The following FTSJ3 variants were observed in gnomAD, a reference collection of about 807,000 sequenced individuals.
FTSJ3 encodes FtsJ RNA 2'-O-methyltransferase 3, also known as pre-rRNA 2'-O-ribose RNA methyltransferase FTSJ3.
FTSJ3 carries 46 observed loss-of-function variants against 111.5 expected under a neutral mutation model. The observed-to-expected ratio is 0.41, with a 90% CI of 0.33 to 0.53. The LOEUF is 0.53. FTSJ3 is among the 20% of genes least tolerant of loss of function. The pLI, the probability that FTSJ3 is intolerant of heterozygous loss-of-function variation, is 0.19. For synonymous variants in FTSJ3, 408 were observed against 383.0 expected (o/e 1.07, Z -0.76); for missense variants, 1,075 against 1,063.8 (o/e 1.01, Z -0.15).
Position 63,819,675 on chromosome 17 carries a change from A to C in FTSJ3, c.*127T>G. 1.1e-6 allele frequency: 1 copy of C among 881,450 alleles called. No individual in the cohort carries two copies. The highest frequency in any genetic ancestry group is 1.7e-5 in the African/African-American group (1 of 59,914). 54.6% of individuals were successfully genotyped at this position (881,450 alleles called of 1,614,324 possible). ...CCACCACGGGAGTTCTAGGCACTCC[A>C]CCTCACTGTTCTTCAGACAGCTGTG... On this transcript the variant is annotated 3_prime_UTR_variant, in exon 21 of 21. Transcript: ENST00000427159.
chr17:63,823,103 AC>A (rs142517560), intron 13 of FTSJ3, among the ~76,000 whole-genome samples: 2,420 of 152,258 alleles, frequency 0.016, 64 homozygotes, highest in African/African-American at 0.054. Flanking sequence ...TTTGTTTGTG[AC>A]CCTGATTTTG....
chr17:63,826,896 T>C lies in FTSJ3; in HGVS notation c.7A>G (p.Lys3Glu). ...CGGCTCTTGCCAACTTTGCCCTTCT[T>C]GCCCATGGTGGAAAGGGGGAGTATC... MG[K>E]KGKVGKSRRD... The change falls in exon 2 of 21, where the codon AAG becomes GAG. Residue 3 changes from lysine (K) to glutamate (E), a missense_variant. Coordinates refer to ENST00000427159, the MANE Select transcript of FTSJ3 (RefSeq NM_017647.4). 1 of 1,613,940 alleles carries C rather than the reference T, an allele frequency of 6.2e-7. No homozygotes were observed. Among genetic ancestry groups the C allele is most frequent in the Non-Finnish European group, 8.5e-7 (1 of 1,179,880 alleles).
chr17:63,820,476 C>T (rs1205083366), intron 18 of FTSJ3, 38 bp from the exon 19 acceptor site: 2 of 1,600,788 alleles, frequency 1.2e-6, no homozygotes, highest in South Asian at 2.2e-5. Flanking sequence ...TCCAACATTC[C>T]AGGCTTTCTA....
At chr17:63,826,699 C>A in intron 2 of FTSJ3, 27 bp from the exon 3 acceptor site, 3 of 1,588,758 alleles carry the variant, frequency 1.9e-6, no homozygotes, top group Middle Eastern at 1.7e-4. Flanking sequence ...AGTGCGCAAA[C>A]TGCTTCACTA....
rs773370128 is a variant in FTSJ3, at chr17:63,821,823, T to C, written c.1496A>G (p.Gln499Arg). ...CTCCTCCTCCTCCTCTTTATCATCT[T>C]GCACTTCAGTAAGTCGCATACTGTA... ...DQKRMRLTEV[Q>R]DDKEEEEEEN... Residue 499 changes from glutamine (Q) to arginine (R), a missense_variant, in exon 15 of 21, where the codon CAA becomes CGA. Coordinates refer to ENST00000427159, the MANE Select transcript of FTSJ3 (RefSeq NM_017647.4). 6.2e-7 allele frequency: 1 copy of C among 1,614,122 alleles called. No individual in the cohort carries two copies. Among genetic ancestry groups the C allele is most frequent in the Non-Finnish European group, 8.5e-7 (1 of 1,180,034 alleles).
At chr17:63,823,201 C>T (rs2040066151) in intron 13 of FTSJ3, among the ~76,000 whole-genome samples, 1 of 152,210 alleles carries the variant, frequency 6.6e-6, no homozygotes, top group Admixed American at 6.5e-5. Flanking sequence ...AATGCTGCTC[C>T]CCTCTGAGGG....
chr17:63,825,874 C>T (rs1453557637), intron 5 of FTSJ3, 182 bp downstream of exon 5: 3 of 643,626 alleles, frequency 4.7e-6, no homozygotes, highest in Non-Finnish European at 8.1e-6. Context: ...TTCCAAACAC[C>T]TTTATCCCTG....
chr17:63,821,947 G>A (rs748681151), intron 14 of FTSJ3, 37 bp downstream of exon 14: 1 of 1,612,430 alleles, frequency 6.2e-7, no homozygotes, highest in Admixed American at 1.7e-5. Flanking sequence ...CTTCCTCAGA[G>A]TGGCAGCATT....
In FTSJ3 at chr17:63,821,524, CTG is replaced by C; in HGVS notation, c.1714_1715del (p.Gln572AspfsTer9). 8 of 1,614,126 alleles carry C rather than the reference CTG, an allele frequency of 5.0e-6. No homozygotes were observed. The highest frequency in any genetic ancestry group is 6.8e-6 in the Non-Finnish European group (8 of 1,180,040). On this transcript the variant is annotated frameshift_variant, in exon 16 of 21. Coordinates refer to ENST00000427159, the MANE Select transcript of FTSJ3 (RefSeq NM_017647.4). LOFTEE classifies it high-confidence loss of function. ...CAGTCTTCAAACAGGAAGGGGGTGT[CTG>C]TGGCAGCTGCTGCTTCTGCTGCTGC... ...RQQQQKQQLPQTPPSCLKTEI... is the reference protein window; with the variant it reads ...RQQQQKQQLPXTPPSCLKTEI...
chr17:63,821,169 G>A (rs1287092940), intron 16 of FTSJ3, 54 bp from the exon 17 acceptor site: 23 of 1,584,046 alleles, frequency 1.5e-5, no homozygotes, highest in Admixed American at 3.3e-5. Context: ...TACTCAGACC[G>A]CACTCCCACG....
At position 63,824,650 on chromosome 17, in the gene FTSJ3, G is replaced by T; in HGVS notation, c.904C>A (p.Arg302Ser). 6.2e-7 allele frequency: 1 copy of T among 1,613,714 alleles called. No homozygotes were observed. The highest frequency in any genetic ancestry group is 8.5e-7 in the Non-Finnish European group (1 of 1,179,660). The change falls in exon 10 of 21, where the codon CGC becomes AGC. Residue 302 changes from arginine (R) to serine (S), a missense_variant. By Grantham distance (110) the Arg-to-Ser change is moderately radical (BLOSUM62 -1). Coordinates refer to ENST00000427159, the MANE Select transcript of FTSJ3 (RefSeq NM_017647.4). ...CCCACTCCATACCTGAGCTCCTTGCGCCCCAACACTCTGATGTCCTGACAG... is the reference window on the plus strand; with the variant it reads ...CCCACTCCATACCTGAGCTCCTTGCTCCCCAACACTCTGATGTCCTGACAG... ...VCCQDIRVLG[R>S]KELRSLLNWR...
At position 63,826,186 on chromosome 17, in the gene FTSJ3, G is replaced by T. The variant is rs58278520; in HGVS notation, c.221-51C>A. The T allele has an allele frequency of 2.5e-6, 4 of 1,609,550 alleles. No individual in the cohort carries two copies. In the Admixed American group the frequency reaches 6.7e-5, roughly 27 times the overall value. On this transcript the variant is annotated intron_variant, in intron 4 of 20. Transcript: ENST00000427159. ...CTAAAAGGTTGCTTCAAGCAGGGAG[G>T]AGAGAAATACAGGACAAAATACCTT...
chr17:63,821,314 C>G, intron 16 of FTSJ3, 40 bp downstream of exon 16: 1 of 1,574,120 alleles, frequency 6.4e-7, no homozygotes, highest in South Asian at 1.2e-5. Context: ...TTCAAGCCAC[C>G]GCTTCCTTTC....
In FTSJ3 at chr17:63,824,367, T is replaced by C. The variant is rs773508514; in HGVS notation, c.962A>G (p.Lys321Arg). The C allele has an allele frequency of 1.2e-6, 2 of 1,614,130 alleles. No individual in the cohort carries two copies. Among genetic ancestry groups the C allele is most frequent in the African/African-American group, 2.7e-5 (2 of 74,934 alleles). ...TGCCTTTGCTTGTTCTTTCAGCTTC[T>C]TGGCCACATATCGCCGAAGTTTTGT... ...WRTKLRRYVA[K>R]KLKEQAKALD... is the part of the protein sequence containing the mutation. The change falls in exon 11 of 21, where the codon AAG (lysine) becomes AGG (arginine). Residue 321 changes from lysine to arginine, a missense_variant. Coordinates refer to ENST00000427159, the MANE Select transcript of FTSJ3 (RefSeq NM_017647.4).
Position 63,819,928 on chromosome 17 carries a change from A to G in FTSJ3, c.2418T>C (p.Gly806=), listed in dbSNP as rs775922784. Reference sequence around the variant, plus strand: ...CTGGCCGGCGCACTTTGCGGCCCACACCTTTTTTGGCTACAACGTAGGTGA... The same window carrying G: ...CTGGCCGGCGCACTTTGCGGCCCACGCCTTTTTTGGCTACAACGTAGGTGA... ...RHVTYVVAKK[G]VGRKVRRPAG... The change falls in exon 21 of 21, where the codon GGT becomes GGC. Residue 806 remains glycine (G), a synonymous_variant. Transcript: ENST00000427159. The G allele has an allele frequency of 1.2e-6, 2 of 1,614,082 alleles. No homozygotes were observed. The highest frequency in any genetic ancestry group is 1.1e-5 in the South Asian group (1 of 91,082).
intron 13 of FTSJ3, among the ~76,000 whole-genome samples, chr17:63,822,441 G>A (rs1287275897): frequency 2.0e-5 from 3 of 152,092 alleles, no homozygotes; most frequent in Non-Finnish European, 4.4e-5. Context: ...AGCCCACATA[G>A]CACCAAATCT....
chr17:63,827,409 G>C lies in FTSJ3; in HGVS notation c.-384C>G. ...ATTGACCCGGAATTCTTCTCTGCCT[G>C]GTCTTCAGGTCCCAATCCTCCGCTT... On this transcript the variant is annotated 5_prime_UTR_variant, in exon 1 of 21. Transcript: ENST00000427159. 1 of 1,542,976 alleles carries C rather than the reference G, an allele frequency of 6.5e-7. No homozygotes were observed. Among genetic ancestry groups the C allele is most frequent in the South Asian group, 1.2e-5 (1 of 83,888 alleles).
chr17:63,822,185 A>G lies in FTSJ3; in HGVS notation c.1291-17T>C. 1 of 1,607,622 alleles carries G rather than the reference A, an allele frequency of 6.2e-7. No homozygotes were observed. The highest frequency in any genetic ancestry group is 8.5e-7 in the Non-Finnish European group (1 of 1,175,440). On this transcript the variant is annotated splice_polypyrimidine_tract_variant and intron_variant, in intron 13 of 20. Transcript: ENST00000427159. ...CTCTAATAACTGAAGTGTAACAGAA[A>G]CAAAGGTAAACTATTTAAAAGGAAA...
chr17:63,826,409 A>G (rs1419361694), intron 3 of FTSJ3, 105 bp from the exon 4 acceptor site: 6 of 1,223,328 alleles, frequency 4.9e-6, no homozygotes, highest in Non-Finnish European at 7.3e-6. Context: ...AGCATATCAT[A>G]GGCACGTATT....
Sources: allele counts gnomAD v4.1 joint callset (sites outside exome capture counted in the v4.1 genomes callset), GRCh38; gene constraint gnomAD v4.1.1; transcripts MANE v1.5; gene names NCBI Gene and HGNC (gene_info 2026-07-23, HGNC 2026-07-21).